The following SH3D19 variants were observed in gnomAD, a reference collection of about 807,000 sequenced individuals.
The protein encoded by SH3D19 is SH3 domain containing 19.
In SH3D19, 58 loss-of-function variants were observed where a neutral mutation model predicts 112.1. The ratio of observed to expected loss-of-function variants is 0.52; its 90% confidence interval spans 0.42 to 0.64. SH3D19 has a LOEUF of 0.64. SH3D19 is among the 30% of genes least tolerant of loss of function. The pLI is 0.00. For missense variants in SH3D19, 1,090 were observed against 1,263.4 expected (o/e 0.86, Z 2.08); for synonymous variants, 391 against 448.5 (o/e 0.87, Z 1.62).
Position 151,148,157 on chromosome 4 carries a change from T to C in SH3D19, c.1847A>G (p.Gln616Arg). 1 of 1,608,352 alleles carries C rather than the reference T, an allele frequency of 6.2e-7. No individual in the cohort carries two copies. Among genetic ancestry groups the C allele is most frequent in the South Asian group, 1.1e-5 (1 of 89,960 alleles). ...RPVNGKTIPT[Q>R]QPPTKVPPER... ...AGGGGGCACCTTGGTTGGAGGCTGT[T>C]GAGTTGGAATGGTTTTTCCATTCAC... The change falls in exon 11 of 20, where the codon CAA becomes CGA. Residue 616 changes from glutamine (Q) to arginine (R), a missense_variant. Coordinates refer to ENST00000604030, the MANE Select transcript of SH3D19 (RefSeq NM_001378122.1).
chr4:151,148,277 A>G (rs979474944), intron 10 of SH3D19, 91 bp from the exon 11 acceptor site: 3 of 1,136,996 alleles, frequency 2.6e-6, no homozygotes, highest in Non-Finnish European at 3.7e-6. Context: ...ACACACACAC[A>G]CACACACACA....
At chr4:151,250,887 G>T (rs562187635) in intron 1 of SH3D19, among the ~76,000 whole-genome samples, 1 of 152,138 alleles carries the variant, frequency 6.6e-6, no homozygotes, top group Non-Finnish European at 1.5e-5. Context: ...TGGATACGTC[G>T]TTAGCTGAGG....
chr4:151,294,169 T>C lies in SH3D19; in HGVS notation c.112+31072A>G, dbSNP rs138847711. ...ATTTTTGTTTTTATCCACCACTGTA[T>C]CCTAGTCTCAATAATTTGTTGAAAA... On this transcript the variant is annotated intron_variant, in intron 1 of 19. Coordinates refer to ENST00000604030, the MANE Select transcript of SH3D19 (RefSeq NM_001378122.1). Among the ~76,000 whole-genome samples, 492 of 152,352 alleles carry C rather than the reference T, an allele frequency of 3.2e-3. 2 individuals carry two copies. The highest frequency in any genetic ancestry group is 6.7e-3 in the Admixed American group (102 of 15,304).
At chr4:151,257,689 GGA>G (rs1772043507) in intron 1 of SH3D19, among the ~76,000 whole-genome samples, 1 of 152,074 alleles carries the variant, frequency 6.6e-6, no homozygotes, top group Non-Finnish European at 1.5e-5. Flanking sequence ...GCCTGGGGAG[GGA>G]GGATTGCTTG....
At chr4:151,209,846 A>G (rs1404113361) in intron 2 of SH3D19, among the ~76,000 whole-genome samples, 1 of 152,198 alleles carries the variant, frequency 6.6e-6, no homozygotes, top group African/African-American at 2.4e-5. Context: ...GTGGATTAGT[A>G]CAAGACCCCT....
chr4:151,288,606 G>A (rs555265868), intron 1 of SH3D19, among the ~76,000 whole-genome samples: 88 of 151,924 alleles, frequency 5.8e-4, no homozygotes, highest in African/African-American at 2.1e-3. Flanking sequence ...AACTTGCTGG[G>A]CGTAGTGAGC....
In SH3D19 at chr4:151,175,665, G is replaced by A. The variant is rs1413430806; in HGVS notation, c.539C>T (p.Ala180Val). The change falls in exon 7 of 20, where the codon GCA (alanine) becomes GTA (valine). Residue 180 changes from alanine (A) to valine (V), a missense_variant. By Grantham distance (64) the Ala-to-Val change is moderately conservative (BLOSUM62 0). Transcript: ENST00000604030. The stretch of plus-strand genomic sequence containing the variant: ...GAAAGGCTGAAGAGGCTTGAGAGGT[G>A]CCTGTAGTGCTGACGAGACCAAAAC... ...IDNDLPQTLQAPLKPLQPFSA... is the reference protein window; with the variant it reads ...IDNDLPQTLQVPLKPLQPFSA... The A allele has an allele frequency of 3.2e-6, 4 of 1,268,078 alleles. No homozygotes were observed. The Admixed American group carries it at 1.5e-4, about 47-fold the overall frequency. 78.6% of individuals were successfully genotyped at this position (1,268,078 alleles called of 1,614,324 possible).
chr4:151,323,604 A>C (rs1057168456), intron 1 of SH3D19, among the ~76,000 whole-genome samples: 5 of 152,346 alleles, frequency 3.3e-5, no homozygotes, highest in Admixed American at 3.3e-4. Flanking sequence ...TTAATGGAAA[A>C]AGGGCATATA....
At chr4:151,219,253 T>C (rs182388415) in intron 2 of SH3D19, among the ~76,000 whole-genome samples, 2 of 152,324 alleles carry the variant, frequency 1.3e-5, no homozygotes, top group South Asian at 2.1e-4. Context: ...CTGATCACCC[T>C]GGTCTGACTT....
At chr4:151,255,359 C>G in intron 1 of SH3D19, among the ~76,000 whole-genome samples, 1 of 150,828 alleles carries the variant, frequency 6.6e-6, no homozygotes, top group Non-Finnish European at 1.5e-5. Context: ...GGGTCGCGGC[C>G]GGGCAGAGGT....
At chr4:151,197,393 G>A (rs6821684) in intron 2 of SH3D19, among the ~76,000 whole-genome samples, 1 of 152,236 alleles carries the variant, frequency 6.6e-6, no homozygotes, top group Non-Finnish European at 1.5e-5. Context: ...AGAAGGGATA[G>A]TTGCACGGCA....
intron 11 of SH3D19, among the ~76,000 whole-genome samples, chr4:151,145,816 G>A (rs1753825761): frequency 6.6e-6 from 1 of 152,166 alleles, no homozygotes; most frequent in African/African-American, 2.4e-5. Flanking sequence ...ACCATTAACT[G>A]GATTCGCAAC....
chr4:151,216,111 G>A (rs1767051037), intron 2 of SH3D19, among the ~76,000 whole-genome samples: 1 of 152,234 alleles, frequency 6.6e-6, no homozygotes, highest in Non-Finnish European at 1.5e-5. Context: ...TTACAGGCAT[G>A]AGCCACCGCG....
At chr4:151,146,615 C>T (rs766012431) in intron 11 of SH3D19, among the ~76,000 whole-genome samples, 2 of 152,236 alleles carry the variant, frequency 1.3e-5, no homozygotes, top group Non-Finnish European at 2.9e-5. Flanking sequence ...TCACTGCAAC[C>T]TCTGCCTCCC....
At chr4:151,318,357 T>C (rs1730219565) in intron 1 of SH3D19, among the ~76,000 whole-genome samples, 1 of 151,020 alleles carries the variant, frequency 6.6e-6, no homozygotes. Context: ...CTGAGCATTA[T>C]TACCAGGCCA....
At chr4:151,149,649 T>C (rs1754563284) in intron 9 of SH3D19, 88 bp from the exon 10 acceptor site, 1 of 1,154,806 alleles carries the variant, frequency 8.7e-7, no homozygotes. Context: ...TTTGGCTGGA[T>C]CTACAAGTAG....
intron 3 of SH3D19, among the ~76,000 whole-genome samples, chr4:151,186,642 T>C (rs1462575899): frequency 6.6e-6 from 1 of 151,202 alleles, no homozygotes; most frequent in African/African-American, 2.4e-5. Flanking sequence ...CCATGTTGGT[T>C]GGGCTGGTCT....
chr4:151,282,276 T>A, intron 1 of SH3D19: 2 of 1,613,978 alleles, frequency 1.2e-6, no homozygotes, highest in Non-Finnish European at 1.7e-6. Flanking sequence ...ACGGCAGACG[T>A]CGCCTTGTTG....
intron 2 of SH3D19, among the ~76,000 whole-genome samples, chr4:151,216,109 A>G (rs28493533): frequency 0.018 from 2,787 of 152,304 alleles, 81 homozygotes; most frequent in African/African-American, 0.063. Flanking sequence ...GATTACAGGC[A>G]TGAGCCACCG....
Sources: allele counts gnomAD v4.1 joint callset (sites outside exome capture counted in the v4.1 genomes callset), GRCh38; gene constraint gnomAD v4.1.1; transcripts MANE v1.5; gene names NCBI Gene and HGNC (gene_info 2026-07-23, HGNC 2026-07-21).